The following GRID1 variants were observed in gnomAD, a reference collection of about 807,000 sequenced individuals.
GRID1 encodes the protein glutamate ionotropic receptor delta type subunit 1.
In GRID1, 28 loss-of-function variants were observed where a neutral mutation model predicts 98.0. The ratio of observed to expected loss-of-function variants is 0.29; its 90% CI spans 0.21 to 0.39. The LOEUF (loss-of-function observed/expected upper bound fraction) is 0.39. GRID1 is among the 10% of genes least tolerant of loss of function. The pLI is 1.00. For missense variants in GRID1, 1,111 were observed against 1,340.5 expected (o/e 0.83, Z 2.67); for synonymous variants, 553 against 538.5 (o/e 1.03, Z -0.37).
intron 4 of GRID1, among the ~76,000 whole-genome samples, chr10:86,031,582 A>G (rs1397967286): frequency 6.6e-6 from 1 of 152,150 alleles, no homozygotes; most frequent in Non-Finnish European, 1.5e-5. Context: ...CAAAAAAGCA[A>G]AATGCATCCA....
In GRID1 at chr10:86,227,843, C is replaced by G. The variant is rs528908776; in HGVS notation, c.236-21195G>C. Among the ~76,000 whole-genome samples the G allele has an allele frequency of 1.1e-3, 163 of 152,308 alleles. 2 individuals carry two copies. The highest frequency in any genetic ancestry group is 3.8e-3 in the African/African-American group (157 of 41,562). On this transcript the variant is annotated intron_variant, in intron 2 of 15. Transcript: ENST00000327946. ...GAGCCACTGCAGGACCTAGGCCATGCCTCATCTGTGCTTAGCCCCAGGCCC... is the reference window on the plus strand; with the variant it reads ...GAGCCACTGCAGGACCTAGGCCATGGCTCATCTGTGCTTAGCCCCAGGCCC...
intron 8 of GRID1, among the ~76,000 whole-genome samples, chr10:85,820,426 G>C (rs915827152): frequency 5.9e-5 from 9 of 152,180 alleles, no homozygotes; most frequent in Admixed American, 1.3e-4. Flanking sequence ...CATATGTCTA[G>C]TGTTCCACTA....
At chr10:86,101,970 T>C (rs1844302732) in intron 4 of GRID1, among the ~76,000 whole-genome samples, 1 of 152,232 alleles carries the variant, frequency 6.6e-6, no homozygotes, top group African/African-American at 2.4e-5. Flanking sequence ...TGGTTTCCAG[T>C]TTGCGGTTAT....
chr10:86,057,038 C>T (rs553778957), intron 4 of GRID1, among the ~76,000 whole-genome samples: 1 of 152,272 alleles, frequency 6.6e-6, no homozygotes, highest in African/African-American at 2.4e-5. Context: ...GGCTGCTGTC[C>T]CTGGGACTCA....
intron 8 of GRID1, among the ~76,000 whole-genome samples, chr10:85,823,052 G>T (rs907238705): frequency 4.6e-5 from 7 of 152,110 alleles, no homozygotes; most frequent in Non-Finnish European, 8.8e-5. Flanking sequence ...TTGCGGGGAG[G>T]GGGTAGGGAT....
At chr10:86,346,237 C>T (rs143455056) in intron 2 of GRID1, among the ~76,000 whole-genome samples, 1 of 152,386 alleles carries the variant, frequency 6.6e-6, no homozygotes, top group Non-Finnish European at 1.5e-5. Flanking sequence ...CCGCCCCAGC[C>T]CACCTTACAC....
At chr10:86,246,157 G>A (rs1846723170) in intron 2 of GRID1, among the ~76,000 whole-genome samples, 1 of 152,214 alleles carries the variant, frequency 6.6e-6, no homozygotes, top group Admixed American at 6.5e-5. Flanking sequence ...CAGGGCCTGT[G>A]CTGCTCCAGA....
intron 4 of GRID1, among the ~76,000 whole-genome samples, chr10:85,960,699 G>A (rs753961044): frequency 3.3e-5 from 5 of 152,148 alleles, no homozygotes; most frequent in Non-Finnish European, 5.9e-5. Context: ...AACAATTGCC[G>A]CTACATGTTG....
chr10:86,285,227 G>A (rs1225349295), intron 2 of GRID1, among the ~76,000 whole-genome samples: 1 of 152,116 alleles, frequency 6.6e-6, no homozygotes, highest in Non-Finnish European at 1.5e-5. Context: ...CCTGAGCCAG[G>A]TGAACATCAG....
chr10:86,273,466 T>C (rs1376878459), intron 2 of GRID1, among the ~76,000 whole-genome samples: 2 of 151,150 alleles, frequency 1.3e-5, no homozygotes, highest in African/African-American at 4.8e-5. Flanking sequence ...ATTCTAGTTC[T>C]AGATCCCTGA....
chr10:86,159,778 A>G (rs1046630667), intron 3 of GRID1, among the ~76,000 whole-genome samples: 5 of 152,190 alleles, frequency 3.3e-5, no homozygotes, highest in Non-Finnish European at 5.9e-5. Context: ...TTGGCAATGA[A>G]CAATTTTAAC....
At chr10:85,799,033 G>T (rs1842551879) in intron 8 of GRID1, among the ~76,000 whole-genome samples, 1 of 152,040 alleles carries the variant, frequency 6.6e-6, no homozygotes, top group South Asian at 2.1e-4. Flanking sequence ...TTTTATAAGA[G>T]ATAAGGGTCT....
intron 2 of GRID1, among the ~76,000 whole-genome samples, chr10:86,297,363 A>G (rs1015321747): frequency 6.6e-6 from 1 of 152,228 alleles, no homozygotes; most frequent in Non-Finnish European, 1.5e-5. Context: ...GGTATCAACA[A>G]GCCATGGGGA....
At chr10:85,949,946 G>GCAT (rs1182542230) in intron 4 of GRID1, among the ~76,000 whole-genome samples, 1 of 152,024 alleles carries the variant, frequency 6.6e-6, no homozygotes, top group East Asian at 1.9e-4. Flanking sequence ...ATGGATGCAT[G>GCAT]GATGGATAGT....
At chr10:85,689,446 GA>G (rs56015435) in intron 12 of GRID1, among the ~76,000 whole-genome samples, 69,485 of 146,598 alleles carry the variant, frequency 0.47, 16,393 homozygotes, top group Middle Eastern at 0.57. Context: ...CAAAGAAATG[GA>G]AAAAAAAAAA....
In GRID1 at chr10:85,822,047, C is replaced by T. The variant is rs571492089; in HGVS notation, c.1233+32449G>A. Among the ~76,000 whole-genome samples the T allele has an allele frequency of 6.3e-3, 951 of 152,150 alleles. 12 individuals carry two copies. The highest frequency in any genetic ancestry group is 0.014 in the Middle Eastern group (4 of 292). On this transcript the variant is annotated intron_variant, in intron 8 of 15. Transcript: ENST00000327946. ...ATACAAAAATTAATTCAAGATGGATCAAAGACTTAAACGTTAGACCTAAAA... is the reference window on the plus strand; with the variant it reads ...ATACAAAAATTAATTCAAGATGGATTAAAGACTTAAACGTTAGACCTAAAA...
chr10:85,799,289 T>G (rs1417124951), intron 8 of GRID1, among the ~76,000 whole-genome samples: 1 of 152,176 alleles, frequency 6.6e-6, no homozygotes, highest in East Asian at 1.9e-4. Flanking sequence ...CCTCCAGCTT[T>G]GTTCTTTTTG....
intron 4 of GRID1, among the ~76,000 whole-genome samples, chr10:86,092,524 C>T (rs992277566): frequency 5.9e-5 from 9 of 152,092 alleles, no homozygotes; most frequent in African/African-American, 2.2e-4. Context: ...CTCACATAAA[C>T]TTAAAGGGTG....
chr10:86,146,281 A>G (rs530516121), intron 3 of GRID1, among the ~76,000 whole-genome samples: 64 of 152,272 alleles, frequency 4.2e-4, no homozygotes, highest in Non-Finnish European at 8.1e-4. Flanking sequence ...CTTTGATTCC[A>G]TAGACTTTTT....
Sources: gnomAD v4.1 joint callset for allele counts (sites outside exome capture counted in the v4.1 genomes callset) on GRCh38, gnomAD v4.1.1 for gene constraint, MANE v1.5 for transcripts, NCBI Gene and HGNC (gene_info 2026-07-23, HGNC 2026-07-21) for gene names.